Variants in NLRP8 observed in about 807,000 individuals in gnomAD.
NLRP8 encodes NACHT, LRR and PYD domains-containing protein 8.
NLRP8 carries 86 observed loss-of-function variants against 88.7 expected under a neutral mutation model. That is an observed-to-expected ratio of 0.97 (90% CI 0.81 to 1.16). The LOEUF (loss-of-function observed/expected upper bound fraction) is 1.16, where lower values mean the gene tolerates loss of function less well. Ranked by LOEUF, NLRP8 falls within the 50% of genes most tolerant of loss-of-function variation. The pLI, the probability that NLRP8 is intolerant of heterozygous loss-of-function variation, is 0.00. For missense variants in NLRP8, 1,342 were observed against 1,286.5 expected, an observed-to-expected ratio of 1.04 and a Z score of -0.66; for synonymous variants, 504 against 494.6, an observed-to-expected ratio of 1.02 and a Z score of -0.25.
intron 3 of NLRP8, 76 bp from the exon 4 acceptor site, chr19:55,961,991 A>C (rs1053827569): frequency 1.5e-5 from 22 of 1,484,764 alleles, no homozygotes; most frequent in Non-Finnish European, 1.7e-5. Context: ...GATAGGGAAC[A>C]CCAGCCCTGG....
At chr19:55,953,792 C>CTTTTTTT (rs35767678) in intron 2 of NLRP8, among the ~76,000 whole-genome samples, 12 of 55,246 alleles carry the variant, frequency 2.2e-4, no homozygotes, top group African/African-American at 8.7e-4. Context: ...TGTGCCTGGC[C>CTTTTTTT]TTTTTTTTTT....
intron 6 of NLRP8, 73 bp from the exon 7 acceptor site, chr19:55,973,579 C>A: frequency 1.5e-6 from 2 of 1,373,722 alleles, no homozygotes; most frequent in Non-Finnish European, 2.0e-6. Context: ...AGAGCCCTGA[C>A]TGAGAAGATC....
intron 8 of NLRP8, 56 bp from the exon 9 acceptor site, chr19:55,979,338 T>C: frequency 6.3e-7 from 1 of 1,592,194 alleles, no homozygotes; most frequent in South Asian, 1.1e-5. Flanking sequence ...CCGGCTGAGC[T>C]CTCAGATGAG....
At chr19:55,981,357 T>G (rs1204076876) in intron 9 of NLRP8, among the ~76,000 whole-genome samples, 199 bp downstream of exon 10, 1 of 152,142 alleles carries the variant, frequency 6.6e-6, no homozygotes, top group Non-Finnish European at 1.5e-5. Flanking sequence ...CCATCAATGT[T>G]ATGGAGTGTC....
At position 55,952,530 on chromosome 19, in the gene NLRP8, T is replaced by G. The variant is rs1301041204; in HGVS notation, c.368-8T>G. 6.2e-7 allele frequency: 1 copy of G among 1,612,856 alleles called. No individual in the cohort carries two copies. Among genetic ancestry groups the G allele is most frequent in the Non-Finnish European group, 8.5e-7 (1 of 1,178,948 alleles). On this transcript the variant is annotated splice_region_variant and splice_polypyrimidine_tract_variant and intron_variant, in intron 1 of 9. Transcript: ENST00000291971. The stretch of plus-strand genomic sequence containing the variant: ...TCCCGTGGAACAGCCTCCTTTTTTC[T>G]GTTACAGCCATTCTGCCTACCTTGG...
At position 55,979,375 on chromosome 19, in the gene NLRP8, G is replaced by C. The variant is rs2078494676; in HGVS notation, c.2877-19G>C. 6.2e-6 allele frequency: 10 copies of C among 1,612,836 alleles called. No homozygotes were observed. Among genetic ancestry groups the C allele is most frequent in the Admixed American group, 1.7e-5 (1 of 60,014 alleles). On this transcript the variant is annotated intron_variant, in intron 8 of 9. Transcript: ENST00000291971. ...TGTGATGACTTCTCTGCTGTCTGCT[G>C]TCTGTTTCTGTGTCACAGGCTGGAA...
Position 55,954,847 on chromosome 19 carries a change from G to A in NLRP8, c.789G>A (p.Lys263=). ...GCTTCTCCGAGCTGATTGAGCAAAAGTGGCCTGGATCTCAGGACCTCGTGT... is the reference window on the plus strand; with the variant it reads ...GCTTCTCCGAGCTGATTGAGCAAAAATGGCCTGGATCTCAGGACCTCGTGT... Residue 263 remains lysine, a synonymous_variant, in exon 3 of 10, where the codon AAG becomes AAA. Transcript: ENST00000291971. The A allele has an allele frequency of 6.2e-7, 1 of 1,614,210 alleles. No homozygotes were observed.
intron 3 of NLRP8, 121 bp from the exon 4 acceptor site, chr19:55,961,946 T>C: frequency 1.2e-6 from 1 of 839,972 alleles, no homozygotes; most frequent in South Asian, 2.2e-5. Context: ...AATGAGGATG[T>C]CTTAGAGTCA....
intron 6 of NLRP8, 55 bp from the exon 7 acceptor site, chr19:55,973,597 T>C: frequency 1.4e-6 from 2 of 1,478,020 alleles, no homozygotes; most frequent in Non-Finnish European, 1.8e-6. Context: ...ATCACCCTTC[T>C]GTGTGAGACA....
rs1299161752 is a variant in NLRP8, at chr19:55,976,118, T to G, written c.2706-15T>G. 6 of 1,574,318 alleles carry G rather than the reference T, an allele frequency of 3.8e-6. No individual in the cohort carries two copies. Among genetic ancestry groups the G allele is most frequent in the Non-Finnish European group, 8.6e-7 (1 of 1,164,054 alleles). ...GTTGTTGTTGTTGTTGTTTTTAACC[T>G]GTGTTTCTTTGCAGACTGAGAAAGT... On this transcript the variant is annotated splice_polypyrimidine_tract_variant and intron_variant, in intron 7 of 9. Transcript: ENST00000291971.
chr19:55,950,149 G>A (rs773995350), intron 1 of NLRP8, among the ~76,000 whole-genome samples: 2 of 151,840 alleles, frequency 1.3e-5, no homozygotes, highest in African/African-American at 4.8e-5. Context: ...GGTGGCTCAC[G>A]CCTGTAATCC....
intron 9 of NLRP8, among the ~76,000 whole-genome samples, chr19:55,985,594 A>G (rs1457387973): frequency 6.6e-6 from 1 of 152,222 alleles, no homozygotes; most frequent in East Asian, 1.9e-4. Context: ...AATTCCAAGT[A>G]TAGTATAAAT....
At chr19:55,973,967 C>T in intron 7 of NLRP8, 145 bp downstream of exon 7, 3 of 694,010 alleles carry the variant, frequency 4.3e-6, no homozygotes, top group Non-Finnish European at 6.6e-6. Flanking sequence ...GGGAAAAGCA[C>T]AATAAAGAGG....
intron 4 of NLRP8, among the ~76,000 whole-genome samples, chr19:55,963,726 T>A (rs528093777): frequency 3.2e-4 from 48 of 152,110 alleles, no homozygotes; most frequent in East Asian, 1.2e-3. Context: ...AATTTTTTTT[T>A]TAATTTTTTG....
At chr19:55,953,864 C>T (rs997095087) in intron 2 of NLRP8, among the ~76,000 whole-genome samples, 3 of 140,766 alleles carry the variant, frequency 2.1e-5, no homozygotes, top group Non-Finnish European at 3.0e-5. Context: ...TGCAGTGGCG[C>T]AATCTTGGCT....
chr19:55,970,163 G>A (rs1307195675), intron 5 of NLRP8, among the ~76,000 whole-genome samples: 7 of 152,122 alleles, frequency 4.6e-5, no homozygotes, highest in Non-Finnish European at 8.8e-5. Context: ...TGAGATGATG[G>A]ATGTATTAAT....
intron 5 of NLRP8, among the ~76,000 whole-genome samples, chr19:55,967,510 T>C (rs1979897511): frequency 6.6e-6 from 1 of 152,268 alleles, no homozygotes; most frequent in South Asian, 2.1e-4. Context: ...ATCCATGTCG[T>C]TGCAAATGAC....
At chr19:55,979,368 G>T in intron 8 of NLRP8, 26 bp from the exon 9 acceptor site, 1 of 1,611,896 alleles carries the variant, frequency 6.2e-7, no homozygotes, top group Non-Finnish European at 8.5e-7. Context: ...CTTCTCTGCT[G>T]TCTGCTGTCT....
chr19:55,973,597 T>A, intron 6 of NLRP8, 55 bp from the exon 7 acceptor site: 1 of 1,478,020 alleles, frequency 6.8e-7, no homozygotes, highest in South Asian at 1.4e-5. Context: ...ATCACCCTTC[T>A]GTGTGAGACA....
Sources: allele counts gnomAD v4.1 joint callset (sites outside exome capture counted in the v4.1 genomes callset), GRCh38; gene constraint gnomAD v4.1.1; transcripts MANE v1.5; gene names NCBI Gene and HGNC (gene_info 2026-07-23, HGNC 2026-07-21).